Variants in CCL18 observed in about 807,000 individuals in gnomAD.
CCL18 encodes C-C motif chemokine 18.
CCL18 carries 7 observed loss-of-function variants against 8.0 expected under a neutral mutation model. The observed-to-expected ratio is 0.87, with a 90% CI of 0.50 to 1.64. The LOEUF (loss-of-function observed/expected upper bound fraction) is 1.64, where lower values mean the gene tolerates loss of function less well. Ranked by LOEUF, CCL18 falls within the 40% of genes most tolerant of loss-of-function variation. The pLI is 0.00. For synonymous variants in CCL18, 35 were observed against 41.3 expected (o/e 0.85, Z 0.59); for missense variants, 95 against 107.8 (o/e 0.88, Z 0.52).
chr17:36,065,466 C>G (rs2066832032), intron 1 of CCL18, among the ~76,000 whole-genome samples: 2 of 152,142 alleles, frequency 1.3e-5, no homozygotes, highest in South Asian at 4.1e-4. Flanking sequence ...GCTCCTTGTC[C>G]CTTGTCCCAT....
chr17:36,071,713 A>G lies in CCL18; in HGVS notation c.*672A>G, dbSNP rs1250880181. 6.6e-6 allele frequency: 1 copy of G among 152,268 alleles called. No homozygotes were observed. The highest frequency in any genetic ancestry group is 2.4e-5 in the African/African-American group (1 of 41,462). The allele number at this position is 152,268 out of a possible 1,614,324, so 9.4% of individuals were successfully genotyped here. On this transcript the variant is annotated 3_prime_UTR_variant, in exon 3 of 3. Coordinates refer to ENST00000616054, the MANE Select transcript of CCL18 (RefSeq NM_002988.4). Reference sequence around the variant, plus strand: ...ATAGAAAAATTTTCTACTTAAATGAATATCAAGATGACGCTGCAATGCATA... The same window carrying G: ...ATAGAAAAATTTTCTACTTAAATGAGTATCAAGATGACGCTGCAATGCATA...
intron 1 of CCL18, among the ~76,000 whole-genome samples, chr17:36,069,019 T>TAA (rs144277762): frequency 2.7e-5 from 4 of 148,876 alleles, no homozygotes; most frequent in African/African-American, 9.9e-5. Context: ...CCAGCTACTT[T>TAA]AAAAAAAAAA....
intron 1 of CCL18, among the ~76,000 whole-genome samples, chr17:36,066,406 A>G (rs1214130552): frequency 6.6e-6 from 1 of 152,136 alleles, no homozygotes; most frequent in Non-Finnish European, 1.5e-5. Flanking sequence ...AGGACTGGGC[A>G]CTCACTGCCA....
intron 1 of CCL18, among the ~76,000 whole-genome samples, chr17:36,069,456 A>C (rs550195076): frequency 2.6e-5 from 4 of 152,336 alleles, no homozygotes; most frequent in Admixed American, 6.5e-5. Context: ...CCCTTCAGAG[A>C]GGATCAGGAA....
chr17:36,068,468 T>G (rs2066848925), intron 1 of CCL18, among the ~76,000 whole-genome samples: 1 of 152,254 alleles, frequency 6.6e-6, no homozygotes, highest in Admixed American at 6.5e-5. Flanking sequence ...TGCCTCCGTT[T>G]GCCTGCTGCC....
rs993623054 is a variant in CCL18, at chr17:36,069,959, A to G, written c.68-488A>G. ...GAGGGATTTCAGGGACTATTTCCCG[A>G]GGAGGATTTTTCTTCCTAAGAGGTT... On this transcript the variant is annotated intron_variant, in intron 1 of 2. Coordinates refer to ENST00000616054, the MANE Select transcript of CCL18 (RefSeq NM_002988.4). 4.6e-5 allele frequency among the ~76,000 whole-genome samples: 7 copies of G among 152,160 alleles called. 1 individual carries two copies. The highest frequency in any genetic ancestry group is 1.7e-4 in the African/African-American group (7 of 41,432).
At chr17:36,070,900 G>T in intron 2 of CCL18, 51 bp from the exon 3 acceptor site, 1 of 1,335,720 alleles carries the variant, frequency 7.5e-7, no homozygotes, top group Non-Finnish European at 1.1e-6. Context: ...GGGGCCACAG[G>T]ATTCCCCTGA....
chr17:36,066,964 A>C (rs1389114299), intron 1 of CCL18, among the ~76,000 whole-genome samples: 1 of 152,226 alleles, frequency 6.6e-6, no homozygotes, highest in Non-Finnish European at 1.5e-5. Flanking sequence ...CTATTTGTGA[A>C]TGGCACCATG....
chr17:36,070,896 A>G, intron 2 of CCL18, 55 bp from the exon 3 acceptor site: 2 of 1,304,618 alleles, frequency 1.5e-6, no homozygotes, highest in East Asian at 2.3e-5. Context: ...CGCAGGGGCC[A>G]CAGGATTCCC....
At chr17:36,066,063 C>T (rs1395183447) in intron 1 of CCL18, among the ~76,000 whole-genome samples, 1 of 152,192 alleles carries the variant, frequency 6.6e-6, no homozygotes, top group Non-Finnish European at 1.5e-5. Context: ...CCCCAGTTTT[C>T]CCAACTAACA....
chr17:36,068,706 C>T (rs1398611956), intron 1 of CCL18, among the ~76,000 whole-genome samples: 4 of 152,052 alleles, frequency 2.6e-5, no homozygotes, highest in East Asian at 1.9e-4. Flanking sequence ...GAGAAAGCAG[C>T]GGCCATTTTG....
chr17:36,068,269 C>T (rs2066847726), intron 1 of CCL18, among the ~76,000 whole-genome samples: 1 of 151,680 alleles, frequency 6.6e-6, no homozygotes, highest in East Asian at 1.9e-4. Flanking sequence ...AATGAGCAAA[C>T]AGTACTATCA....
chr17:36,067,066 T>C (rs1457647251), intron 1 of CCL18, among the ~76,000 whole-genome samples: 2 of 152,172 alleles, frequency 1.3e-5, no homozygotes, highest in African/African-American at 4.8e-5. Flanking sequence ...TCTTAAGTAG[T>C]TCGAGTTGTG....
chr17:36,065,240 C>T (rs1245249091), intron 1 of CCL18, among the ~76,000 whole-genome samples: 1 of 152,202 alleles, frequency 6.6e-6, no homozygotes, highest in African/African-American at 2.4e-5. Flanking sequence ...TTTGCTCTTC[C>T]TGTCCTCTTA....
chr17:36,066,375 G>T (rs960410975), intron 1 of CCL18, among the ~76,000 whole-genome samples: 1 of 152,174 alleles, frequency 6.6e-6, no homozygotes, highest in Non-Finnish European at 1.5e-5. Flanking sequence ...GCAGGCAGAG[G>T]AGTGTAGGCA....
In CCL18 at chr17:36,070,431, G is replaced by C. The variant is rs750053774; in HGVS notation, c.68-16G>C. Reference sequence around the variant, plus strand: ...GTGAACAATGACTTGGGATCTTTCTGTCCTGTCTCTTGCAGTTGGTACCAA... The same window carrying C: ...GTGAACAATGACTTGGGATCTTTCTCTCCTGTCTCTTGCAGTTGGTACCAA... On this transcript the variant is annotated splice_polypyrimidine_tract_variant and intron_variant, in intron 1 of 2. Transcript: ENST00000616054. 1 of 1,497,398 alleles carries C rather than the reference G, an allele frequency of 6.7e-7. No individual in the cohort carries two copies. Among genetic ancestry groups the C allele is most frequent in the South Asian group, 1.1e-5 (1 of 88,764 alleles). The allele number at this position is 1,497,398 out of a possible 1,614,324, so 92.8% of individuals were successfully genotyped here.
In CCL18 at chr17:36,071,153, C is replaced by A; in HGVS notation, c.*112C>A. 1.5e-6 allele frequency: 1 copy of A among 662,972 alleles called. No homozygotes were observed. Among genetic ancestry groups the A allele is most frequent in the Non-Finnish European group, 2.7e-6 (1 of 367,652 alleles). The allele number at this position is 662,972 out of a possible 1,614,324, so 41.1% of individuals were successfully genotyped here. A position where few individuals can be genotyped will look rare whatever the true frequency, so the allele number is the denominator to read the frequency against. On this transcript the variant is annotated 3_prime_UTR_variant, in exon 3 of 3. Coordinates refer to ENST00000616054, the MANE Select transcript of CCL18 (RefSeq NM_002988.4). Reference sequence around the variant, plus strand: ...TGGAGGCTACCTCTTCTAAGAGTCCCATCTGCTATGCCCAGCCACATTAAC... The same window carrying A: ...TGGAGGCTACCTCTTCTAAGAGTCCAATCTGCTATGCCCAGCCACATTAAC...
rs768648633 is a variant in CCL18, at chr17:36,070,533, C to T, written c.154C>T (p.Pro52Ser). 3.1e-6 allele frequency: 5 copies of T among 1,612,306 alleles called. No individual in the cohort carries two copies. The South Asian group carries it at 3.3e-5, about 11-fold the overall frequency. ...KFIVDYSETS[P>S]QCPKPGVILL... ...CATAGTTGACTATTCTGAAACCAGC[C>T]CCCAGTGCCCCAAGCCAGGTGTCAT... Residue 52 changes from proline (P) to serine (S), a missense_variant, in exon 2 of 3, where the codon CCC becomes TCC. Transcript: ENST00000616054.
At chr17:36,068,384 AT>A (rs377053680) in intron 1 of CCL18, among the ~76,000 whole-genome samples, 18 of 151,494 alleles carry the variant, frequency 1.2e-4, no homozygotes, top group Middle Eastern at 3.4e-3. Flanking sequence ...CTTCAATGAA[AT>A]TTTTTTTTCA....
Sources: gnomAD v4.1 joint callset for allele counts (sites outside exome capture counted in the v4.1 genomes callset) on GRCh38, gnomAD v4.1.1 for gene constraint, MANE v1.5 for transcripts, NCBI Gene and HGNC (gene_info 2026-07-23, HGNC 2026-07-21) for gene names.